ARHGAP17: variants seen among roughly 807,000 people sequenced by gnomAD.
The protein encoded by ARHGAP17 is rho GTPase-activating protein 17.
In ARHGAP17, 57 loss-of-function variants were observed where a neutral mutation model predicts 99.5. The ratio of observed to expected loss-of-function variants is 0.57; its 90% CI spans 0.46 to 0.71. ARHGAP17 has a LOEUF of 0.71. Among genes scored for constraint, ARHGAP17 ranks in the 30% least tolerant of loss-of-function variants. The probability of loss-of-function intolerance (pLI) is 0.00; values close to 1 mark genes in which losing one functional copy is unlikely to be tolerated. For missense variants in ARHGAP17, 1,000 were observed against 1,122.4 expected (o/e 0.89, Z 1.56); for synonymous variants, 417 against 429.6 (o/e 0.97, Z 0.36).
intron 1 of ARHGAP17, among the ~76,000 whole-genome samples, chr16:24,990,668 C>T (rs1055768578): frequency 6.6e-6 from 1 of 151,524 alleles, no homozygotes; most frequent in Non-Finnish European, 1.5e-5. Flanking sequence ...CACAAAAACA[C>T]AAATACACAC....
At chr16:24,991,333 G>A (rs2053034963) in intron 1 of ARHGAP17, among the ~76,000 whole-genome samples, 1 of 152,172 alleles carries the variant, frequency 6.6e-6, no homozygotes, top group Admixed American at 6.5e-5. Flanking sequence ...GAGGGTTCAT[G>A]GAGTGTTAGC....
chr16:24,950,836 C>CAAAAAAAAAAAAAAAAAAAAAAAAAAA (rs1177614713), intron 12 of ARHGAP17, among the ~76,000 whole-genome samples: 1 of 39,430 alleles, frequency 2.5e-5, no homozygotes, highest in African/African-American at 1.0e-4. Flanking sequence ...GACTCCAACT[C>CAAAAAAAAAAAAAAAAAAAAAAAAAAA]AAAAAAAAAA....
intron 1 of ARHGAP17, 22 bp downstream of exon 1, chr16:25,015,187 C>A (rs777161710): frequency 4.6e-6 from 6 of 1,298,520 alleles, no homozygotes; most frequent in Non-Finnish European, 4.9e-6. Flanking sequence ...GGTGCGACCC[C>A]CGTGCTGCCC....
At chr16:24,949,539 T>C in intron 12 of ARHGAP17, 55 bp from the exon 13 acceptor site, 2 of 1,468,862 alleles carry the variant, frequency 1.4e-6, no homozygotes, top group Non-Finnish European at 1.9e-6. Flanking sequence ...ATTATCTTAT[T>C]AATATGCTAT....
At chr16:24,946,439 A>T (rs1026476733) in intron 14 of ARHGAP17, among the ~76,000 whole-genome samples, 1 of 151,532 alleles carries the variant, frequency 6.6e-6, no homozygotes, top group African/African-American at 2.4e-5. Flanking sequence ...CTCCAGTGCC[A>T]TTCCCTAACC....
At chr16:24,988,801 T>C (rs2052949549) in intron 1 of ARHGAP17, among the ~76,000 whole-genome samples, 1 of 152,188 alleles carries the variant, frequency 6.6e-6, no homozygotes, top group Non-Finnish European at 1.5e-5. Flanking sequence ...TTCTTGCTTA[T>C]AGCAAAATCT....
At chr16:24,998,677 T>A (rs755882447) in intron 1 of ARHGAP17, among the ~76,000 whole-genome samples, 20 of 152,238 alleles carry the variant, frequency 1.3e-4, no homozygotes, top group Admixed American at 5.2e-4. Context: ...TTGGAGGCCA[T>A]GAAATGCTGG....
At chr16:25,002,476 A>G (rs1027664762) in intron 1 of ARHGAP17, among the ~76,000 whole-genome samples, 1 of 152,138 alleles carries the variant, frequency 6.6e-6, no homozygotes, top group African/African-American at 2.4e-5. Context: ...TTCCCACAGC[A>G]CCAACTTTCT....
chr16:24,998,855 G>A (rs1479800213), intron 1 of ARHGAP17, among the ~76,000 whole-genome samples: 2 of 152,218 alleles, frequency 1.3e-5, no homozygotes, highest in Non-Finnish European at 2.9e-5. Context: ...CCACATGCCT[G>A]ACCCCATCAG....
intron 1 of ARHGAP17, among the ~76,000 whole-genome samples, chr16:24,996,116 G>T (rs1373102418): frequency 4.0e-5 from 6 of 151,804 alleles, no homozygotes; most frequent in Admixed American, 3.9e-4. Context: ...TATTTTTTTG[G>T]GGGGGGAGGG....
chr16:24,968,849 C>T (rs773468199), intron 4 of ARHGAP17, 77 bp from the exon 5 acceptor site: 82 of 1,398,604 alleles, frequency 5.9e-5, no homozygotes, highest in Non-Finnish European at 8.3e-5. Flanking sequence ...ATCAGTGCTG[C>T]TTGCCATACA....
intron 19 of ARHGAP17, among the ~76,000 whole-genome samples, chr16:24,925,354 G>A (rs1688156548): frequency 6.6e-6 from 1 of 152,202 alleles, no homozygotes; most frequent in Non-Finnish European, 1.5e-5. Flanking sequence ...ACTCCAGCCT[G>A]GGTGACAGAG....
intron 1 of ARHGAP17, among the ~76,000 whole-genome samples, chr16:25,000,021 C>G (rs750202659): frequency 1.3e-5 from 2 of 152,050 alleles, no homozygotes; most frequent in Non-Finnish European, 2.9e-5. Flanking sequence ...CCGTTTCTCA[C>G]GTATAGGAAC....
intron 18 of ARHGAP17, among the ~76,000 whole-genome samples, chr16:24,934,327 AATTTTTGT>A (rs2051076487): frequency 6.6e-6 from 1 of 151,566 alleles, no homozygotes; most frequent in Non-Finnish European, 1.5e-5. Context: ...ATGCCCGGCT[AATTTTTGT>A]ATTTTTAGTA....
intron 1 of ARHGAP17, among the ~76,000 whole-genome samples, chr16:24,998,283 T>C (rs2053258023): frequency 6.6e-6 from 1 of 151,762 alleles, no homozygotes; most frequent in Non-Finnish European, 1.5e-5. Context: ...GAGAAAAGCC[T>C]GACCATGAGG....
At chr16:24,920,423 C>T (rs2050690974) in intron 19 of ARHGAP17, 163 bp from the exon 20 acceptor site, 2 of 776,790 alleles carry the variant, frequency 2.6e-6, no homozygotes, top group African/African-American at 1.7e-5. Flanking sequence ...CCAAGTGAAG[C>T]CTTTGTGACC....
chr16:24,942,223 C>A, intron 15 of ARHGAP17, 80 bp from the exon 16 acceptor site: 3 of 1,417,370 alleles, frequency 2.1e-6, no homozygotes, highest in Admixed American at 4.4e-5. Flanking sequence ...CTCATTGGAA[C>A]GGGAACCTCG....
Position 24,968,500 on chromosome 16 carries a change from CG to C in ARHGAP17, c.385-74del, listed in dbSNP as rs1420522833. ...TTAACCATTTTAAAGTATTTACAAACGTTTTTTCTCTAAGGCAAAGGATTTT... is the reference window on the plus strand; with the variant it reads ...TTAACCATTTTAAAGTATTTACAAACTTTTTTCTCTAAGGCAAAGGATTTT... On this transcript the variant is annotated intron_variant, in intron 5 of 19. Coordinates refer to ENST00000289968, the MANE Select transcript of ARHGAP17 (RefSeq NM_001006634.3). The C allele has an allele frequency of 1.8e-5, 29 of 1,578,164 alleles. No homozygotes were observed. In the African/African-American group the frequency reaches 3.8e-4, roughly 21 times the overall value.
chr16:24,939,479 G>T lies in ARHGAP17; in HGVS notation c.1609C>A (p.Pro537Thr). The stretch of plus-strand genomic sequence containing the variant: ...TGGGGAGGGGGCTCTGGGCCAGCGG[G>T]CACCACGGTGCTGCCATCTGTGGGC... ...LPPTDGSTVV[P>T]AGPEPPPQSS... The change falls in exon 17 of 20, where the codon CCC becomes ACC. Residue 537 changes from proline (P) to threonine (T), a missense_variant. Physicochemically the swap from Pro to Thr is conservative, Grantham distance 38 (BLOSUM62 -1). Coordinates refer to ENST00000289968, the MANE Select transcript of ARHGAP17 (RefSeq NM_001006634.3). 6.2e-7 allele frequency: 1 copy of T among 1,610,942 alleles called. No individual in the cohort carries two copies. The highest frequency in any genetic ancestry group is 8.5e-7 in the Non-Finnish European group (1 of 1,179,074).
Sources: allele counts gnomAD v4.1 joint callset (sites outside exome capture counted in the v4.1 genomes callset), GRCh38; gene constraint gnomAD v4.1.1; transcripts MANE v1.5; gene names NCBI Gene and HGNC (gene_info 2026-07-23, HGNC 2026-07-21).